CDCP1: variants seen among roughly 807,000 people sequenced by gnomAD.
CDCP1 encodes CUB domain containing protein 1, also known as CUB domain-containing protein 1.
CDCP1 carries 29 observed loss-of-function variants against 60.2 expected under a neutral mutation model. The ratio of observed to expected loss-of-function variants is 0.48; its 90% CI spans 0.36 to 0.66. The LOEUF is 0.66. Among genes scored for constraint, CDCP1 ranks in the 30% least tolerant of loss-of-function variants. CDCP1 has a pLI of 0.00. For synonymous variants in CDCP1, 387 were observed against 431.1 expected, an observed-to-expected ratio of 0.90 and a Z score of 1.27; for missense variants, 876 against 1,074.3, an observed-to-expected ratio of 0.82 and a Z score of 2.58.
chr3:45,092,600 A>G (rs1182226262), intron 6 of CDCP1, among the ~76,000 whole-genome samples: 2 of 152,176 alleles, frequency 1.3e-5, no homozygotes, highest in South Asian at 2.1e-4. Flanking sequence ...CACACCTCAG[A>G]GAATAAGAGT....
chr3:45,117,597 CTT>C (rs576166067), intron 2 of CDCP1, among the ~76,000 whole-genome samples: 9 of 139,888 alleles, frequency 6.4e-5, no homozygotes, highest in Middle Eastern at 3.7e-3. Context: ...TCCTCAACTT[CTT>C]TTTTTTTTTT....
intron 1 of CDCP1, among the ~76,000 whole-genome samples, chr3:45,122,163 A>C: frequency 8.9e-6 from 1 of 112,184 alleles, no homozygotes; most frequent in South Asian, 2.7e-4. Flanking sequence ...TTTTTTTTTG[A>C]GACGGAATCT....
At chr3:45,124,615 A>G (rs1044476552) in intron 1 of CDCP1, among the ~76,000 whole-genome samples, 1 of 152,206 alleles carries the variant, frequency 6.6e-6, no homozygotes, top group Non-Finnish European at 1.5e-5. Flanking sequence ...GTCCTCTCTT[A>G]GGAAGAGGTC....
Position 45,085,367 on chromosome 3 carries a change from C to T in CDCP1, c.*271G>A. ...ACCCTATGCTAGGTGACTCAGGCCT[C>T]TCTCCTCTCATTACAGGCTGGCTAA... On this transcript the variant is annotated 3_prime_UTR_variant, in exon 9 of 9. Transcript: ENST00000296129. This position sits in a 1 kb window ranked among gnomAD's most constrained non-coding sequence, Gnocchi z 4.2. 1 of 420,428 alleles carries T rather than the reference C, an allele frequency of 2.4e-6. No homozygotes were observed. Among genetic ancestry groups the T allele is most frequent in the Non-Finnish European group, 4.3e-6 (1 of 231,414 alleles). The allele number at this position is 420,428 out of a possible 1,614,324, so 26.0% of individuals were successfully genotyped here.
chr3:45,135,123 T>C (rs7621746), intron 1 of CDCP1, among the ~76,000 whole-genome samples: 150,823 of 152,244 alleles, frequency 0.99, 74,717 homozygotes, highest in Middle Eastern at 1. Flanking sequence ...GAAGGCGTTA[T>C]ATCAACTAGG....
intron 4 of CDCP1, among the ~76,000 whole-genome samples, chr3:45,100,132 A>T (rs564122407): frequency 6.6e-6 from 1 of 152,272 alleles, no homozygotes; most frequent in South Asian, 2.1e-4. Context: ...AGCCCATAAC[A>T]TCAATATCTT....
At chr3:45,145,394 A>T (rs1196817391) in intron 1 of CDCP1, among the ~76,000 whole-genome samples, 1 of 152,232 alleles carries the variant, frequency 6.6e-6, no homozygotes, top group East Asian at 1.9e-4. Flanking sequence ...GTTCTAATAC[A>T]TCCAGGGCCC....
chr3:45,143,662 C>T (rs1259789726), intron 1 of CDCP1, among the ~76,000 whole-genome samples: 1 of 152,186 alleles, frequency 6.6e-6, no homozygotes, highest in Non-Finnish European at 1.5e-5. Context: ...CTACTTAAAA[C>T]ATCTTAATTA....
At chr3:45,116,140 T>C (rs1698785508) in intron 2 of CDCP1, among the ~76,000 whole-genome samples, 1 of 151,678 alleles carries the variant, frequency 6.6e-6, no homozygotes, top group South Asian at 2.1e-4. Flanking sequence ...CAGTTCTTGA[T>C]AGATGCTCTT....
chr3:45,110,157 ATCC>A, intron 4 of CDCP1: 1 of 1,162,810 alleles, frequency 8.6e-7, no homozygotes, highest in Non-Finnish European at 1.1e-6. Context: ...TGCGGGTGAC[ATCC>A]TCATTCACAT....
chr3:45,134,436 T>C (rs1331061897), intron 1 of CDCP1, among the ~76,000 whole-genome samples: 1 of 152,248 alleles, frequency 6.6e-6, no homozygotes, highest in Non-Finnish European at 1.5e-5. Context: ...GATCTACTTC[T>C]TTCTTAACTG....
rs540665197 is a variant in CDCP1, at chr3:45,138,646, C to T, written c.82+7560G>A. ...GGTGGATCACCTGAGGTCAAGAGTT[C>T]GAGACCAGCCTGGCCGACATGGTGA... On this transcript the variant is annotated intron_variant, in intron 1 of 8. Coordinates refer to ENST00000296129, the MANE Select transcript of CDCP1 (RefSeq NM_022842.5). Among the ~76,000 whole-genome samples the T allele has an allele frequency of 4.3e-4, 65 of 152,248 alleles. 1 individual carries two copies. In the South Asian group the frequency reaches 0.013, roughly 31 times the overall value.
chr3:45,121,398 T>G (rs946424334), intron 1 of CDCP1, among the ~76,000 whole-genome samples: 2 of 152,222 alleles, frequency 1.3e-5, no homozygotes, highest in African/African-American at 4.8e-5. Context: ...ACAACTCTTG[T>G]GTTCTTTTTC....
chr3:45,093,392 G>C lies in CDCP1; in HGVS notation c.1512C>G (p.Ile504Met), dbSNP rs143267287. The C allele has an allele frequency of 7.4e-6, 12 of 1,614,096 alleles. No individual in the cohort carries two copies. The highest frequency in any genetic ancestry group is 6.7e-5 in the African/African-American group (5 of 74,936). ...YFGSFCPGGSIKQIQVKQNIS... is the reference protein window; with the variant it reads ...YFGSFCPGGSMKQIQVKQNIS... The stretch of plus-strand genomic sequence containing the variant: ...TGTTCTGCTTCACCTGGATCTGCTT[G>C]ATAGAGCCTCCCGGGCAGAAGGAGC... The change falls in exon 6 of 9, where the codon ATC becomes ATG. Residue 504 changes from isoleucine to methionine, a missense_variant. Physicochemically the swap from Ile to Met is conservative, Grantham distance 10. This residue lies in a region of CDCP1 where 726 missense variants were observed against 935.7 expected (regional missense o/e 0.78). Transcript: ENST00000296129.
In CDCP1 at chr3:45,083,995, T is replaced by C. The variant is rs1281871753; in HGVS notation, c.*1643A>G. 1 of 152,060 alleles carries C rather than the reference T, an allele frequency of 6.6e-6. No individual in the cohort carries two copies. Among genetic ancestry groups the C allele is most frequent in the Non-Finnish European group, 1.5e-5 (1 of 68,002 alleles). The allele number at this position is 152,060 out of a possible 1,614,324, so 9.4% of individuals were successfully genotyped here. On this transcript the variant is annotated 3_prime_UTR_variant, in exon 9 of 9. Coordinates refer to ENST00000296129, the MANE Select transcript of CDCP1 (RefSeq NM_022842.5). The stretch of plus-strand genomic sequence containing the variant: ...TTGGTCTCATGGTCTACTCACCTGA[T>C]TAGAGATTAATCCCAGTCTTTCTTT...
chr3:45,095,343 G>A lies in CDCP1; in HGVS notation c.1246+4C>T, dbSNP rs1487888866. 5.6e-6 allele frequency: 9 copies of A among 1,612,700 alleles called. No individual in the cohort carries two copies. Among genetic ancestry groups the A allele is most frequent in the African/African-American group, 1.3e-5 (1 of 74,882 alleles). On this transcript the variant is annotated splice_donor_region_variant and intron_variant, in intron 5 of 8. Coordinates refer to ENST00000296129, the MANE Select transcript of CDCP1 (RefSeq NM_022842.5). ...GGGACAAATGCACTGATTCAGGGGCGTACTTATGGTTTTTTCCACATTCAT... is the reference window on the plus strand; with the variant it reads ...GGGACAAATGCACTGATTCAGGGGCATACTTATGGTTTTTTCCACATTCAT...
rs1033229970 is a variant in CDCP1, at chr3:45,093,338, G to A, written c.1566C>T (p.Pro522=). 4 of 1,613,892 alleles carry A rather than the reference G, an allele frequency of 2.5e-6. No homozygotes were observed. In the African/African-American group the frequency reaches 5.3e-5, roughly 22 times the overall value. ...GCCTGGAGGCCTCTTGTTGGAAGCT[G>A]GGGGCAAAGGTGCGAAGGGTCACCG... is the stretch of plus-strand genomic sequence containing the variant. ...NISVTLRTFA[P]SFQQEASRQG... Residue 522 remains proline (P), a synonymous_variant, in exon 6 of 9, where the codon CCC becomes CCT. Coordinates refer to ENST00000296129, the MANE Select transcript of CDCP1 (RefSeq NM_022842.5).
In CDCP1 at chr3:45,085,650, C is replaced by T. The variant is rs757003561; in HGVS notation, c.2499G>A (p.Glu833=). 6.2e-6 allele frequency: 10 copies of T among 1,611,716 alleles called. No individual in the cohort carries two copies. Among genetic ancestry groups the T allele is most frequent in the Non-Finnish European group, 8.5e-6 (10 of 1,178,284 alleles). ...GGAATGGATCAAGTTATTCTGCTGGCTCCATGGGCTCCTGAGTGTTCAGTA... is the reference window on the plus strand; with the variant it reads ...GGAATGGATCAAGTTATTCTGCTGGTTCCATGGGCTCCTGAGTGTTCAGTA... ...IPLLNTQEPM[E]PAE Residue 833 remains glutamate (E), a synonymous_variant, in exon 9 of 9, where the codon GAG becomes GAA. Coordinates refer to ENST00000296129, the MANE Select transcript of CDCP1 (RefSeq NM_022842.5). This position sits in a 1 kb window ranked among gnomAD's most constrained non-coding sequence, Gnocchi z 4.2.
At chr3:45,088,198 T>A (rs1479789226) in intron 8 of CDCP1, among the ~76,000 whole-genome samples, 1 of 152,116 alleles carries the variant, frequency 6.6e-6, no homozygotes, top group Non-Finnish European at 1.5e-5. Flanking sequence ...AAATAGAAGC[T>A]CAGCCAGGTA....
Sources: gnomAD v4.1 joint callset for allele counts (sites outside exome capture counted in the v4.1 genomes callset) on GRCh38, gnomAD v4.1.1 for gene constraint, gnomAD v4.1.1 regional missense constraint, Gnocchi (gnomAD v3.1) non-coding constraint, MANE v1.5 for transcripts, NCBI Gene and HGNC (gene_info 2026-07-23, HGNC 2026-07-21) for gene names.